Variants in RTL4 observed in about 807,000 individuals in gnomAD.
The protein encoded by RTL4 is retrotransposon Gag like 4.
Under a neutral mutation model 5.3 loss-of-function variants are expected in RTL4, and 4 were observed. That is an observed-to-expected ratio of 0.75 (90% CI 0.37 to 1.72). The LOEUF is 1.72. RTL4 is among the 40% of genes most tolerant of loss of function. The probability of loss-of-function intolerance (pLI) is 0.04; values close to 1 mark genes in which losing one functional copy is unlikely to be tolerated. For missense variants in RTL4, 260 were observed against 227.1 expected (o/e 1.14, Z -0.93); for synonymous variants, 98 against 87.3 (o/e 1.12, Z -0.68).
the RTL4 span, among the ~76,000 whole-genome samples, chrX:112,120,557 G>A: frequency 1.9e-5 from 2 of 107,288 alleles, no homozygotes; most frequent in East Asian, 2.9e-4. Context: ...ATTAACAGGC[G>A]TGAGCCACCA....
At chrX:112,303,219 T>C in the RTL4 span, among the ~76,000 whole-genome samples, 1 of 111,778 alleles carries the variant, frequency 8.9e-6, no homozygotes, top group Non-Finnish European at 1.9e-5. Flanking sequence ...AACAGTTTGC[T>C]CCTGAAATTG....
chrX:112,402,215 T>C, the RTL4 span, among the ~76,000 whole-genome samples: 2 of 111,952 alleles, frequency 1.8e-5, no homozygotes, highest in African/African-American at 6.5e-5. Flanking sequence ...TAAGTATCTA[T>C]CTGATTATTT....
At chrX:112,337,804 T>C in the RTL4 span, among the ~76,000 whole-genome samples, 1 of 111,212 alleles carries the variant, frequency 9.0e-6, no homozygotes, top group Non-Finnish European at 1.9e-5. Context: ...GTAGATGGCA[T>C]GTCCTATGTG....
At chrX:112,429,706 T>A in the RTL4 span, among the ~76,000 whole-genome samples, 4 of 111,708 alleles carry the variant, frequency 3.6e-5, no homozygotes, top group Admixed American at 3.8e-4. Flanking sequence ...CTACAACACT[T>A]AGCATTTGTT....
the RTL4 span, among the ~76,000 whole-genome samples, chrX:112,390,106 AATAT>A: frequency 0.034 from 571 of 16,996 alleles, 11 homozygotes; most frequent in Non-Finnish European, 0.037. Context: ...ATTTATATAT[AATAT>A]ATATATATAT....
the RTL4 span, among the ~76,000 whole-genome samples, chrX:112,442,089 A>G: frequency 8.9e-6 from 1 of 111,808 alleles, no homozygotes; most frequent in Non-Finnish European, 1.9e-5. Context: ...AACAAAAAGT[A>G]GATTAGTGGT....
the RTL4 span, among the ~76,000 whole-genome samples, chrX:112,138,824 A>T: frequency 8.9e-6 from 1 of 111,888 alleles, no homozygotes; most frequent in Non-Finnish European, 1.9e-5. Context: ...CACTTTGCCC[A>T]AGTTTTCCTA....
At chrX:112,260,871 A>G in the RTL4 span, among the ~76,000 whole-genome samples, 1 of 111,873 alleles carries the variant, frequency 8.9e-6, no homozygotes, top group Non-Finnish European at 1.9e-5. Context: ...ACCTAATCTT[A>G]GATAAGCAAC....
chrX:112,336,940 T>C, the RTL4 span, among the ~76,000 whole-genome samples: 1 of 111,327 alleles, frequency 9.0e-6, no homozygotes, highest in Non-Finnish European at 1.9e-5. Flanking sequence ...ATTTTATTTA[T>C]GGATTGTAAC....
At chrX:112,268,269 T>C in the RTL4 span, among the ~76,000 whole-genome samples, 1 of 112,237 alleles carries the variant, frequency 8.9e-6, no homozygotes, top group Middle Eastern at 4.6e-3. Flanking sequence ...GCTTTCTCTC[T>C]TGTTACATTT....
At chrX:112,120,870 A>G in the RTL4 span, among the ~76,000 whole-genome samples, 1 of 111,895 alleles carries the variant, frequency 8.9e-6, no homozygotes, top group Non-Finnish European at 1.9e-5. Flanking sequence ...GCTGATGCCC[A>G]GGGCACTCTG....
chrX:112,105,008 A>T, the RTL4 span, among the ~76,000 whole-genome samples: 1 of 111,705 alleles, frequency 9.0e-6, no homozygotes, highest in East Asian at 2.8e-4. Flanking sequence ...TTTCTTTAAT[A>T]GGTTTCCAGG....
chrX:112,149,364 G>T, the RTL4 span, among the ~76,000 whole-genome samples: 1 of 111,802 alleles, frequency 8.9e-6, no homozygotes, highest in Admixed American at 9.5e-5. Flanking sequence ...AGGAAGAGGT[G>T]ATAGGAAGTA....
At chrX:112,272,978 T>C in the RTL4 span, among the ~76,000 whole-genome samples, 2 of 111,860 alleles carry the variant, frequency 1.8e-5, no homozygotes, top group East Asian at 5.6e-4. Context: ...AAGCATTCTG[T>C]TTAACAAAGT....
chrX:112,281,251 T>A, the RTL4 span, among the ~76,000 whole-genome samples: 4 of 111,896 alleles, frequency 3.6e-5, no homozygotes, highest in African/African-American at 1.3e-4. Context: ...TTTGTCTTTC[T>A]GTGCATGGCA....
At chrX:112,213,001 T>A in the RTL4 span, among the ~76,000 whole-genome samples, 1 of 111,784 alleles carries the variant, frequency 8.9e-6, no homozygotes, top group Non-Finnish European at 1.9e-5. Flanking sequence ...TATACTTGCG[T>A]GTTATGGGAG....
At chrX:112,133,638 G>A in the RTL4 span, among the ~76,000 whole-genome samples, 1 of 111,681 alleles carries the variant, frequency 9.0e-6, no homozygotes, top group South Asian at 3.8e-4. Context: ...TCTAGCTCTG[G>A]CTTCTCACAC....
chrX:112,306,143 C>T, the RTL4 span, among the ~76,000 whole-genome samples: 5 of 111,568 alleles, frequency 4.5e-5, no homozygotes, highest in Non-Finnish European at 9.4e-5. Context: ...GACAAATTTG[C>T]AAGTGGAAAC....
the RTL4 span, among the ~76,000 whole-genome samples, chrX:112,159,119 T>A: frequency 8.9e-6 from 1 of 112,644 alleles, no homozygotes; most frequent in Non-Finnish European, 1.9e-5. Context: ...GTATTTCTTT[T>A]TCTATGAATT....
Sources: allele counts gnomAD v4.1 joint callset (sites outside exome capture counted in the v4.1 genomes callset), GRCh38; gene constraint gnomAD v4.1.1; transcripts MANE v1.5; gene names NCBI Gene and HGNC (gene_info 2026-07-23, HGNC 2026-07-21).